POLR1A: variants seen among roughly 807,000 people sequenced by gnomAD.
POLR1A encodes the protein DNA-directed RNA polymerase I subunit RPA1.
Under a neutral mutation model 205.3 loss-of-function variants are expected in POLR1A, and 84 were observed. The ratio of observed to expected loss-of-function variants is 0.41; its 90% CI spans 0.34 to 0.49. The LOEUF is 0.49. POLR1A is among the 20% of genes least tolerant of loss of function. POLR1A has a pLI of 0.22. For missense variants in POLR1A, 1,645 were observed against 2,204.5 expected (o/e 0.75, Z 5.08); for synonymous variants, 799 against 863.7 (o/e 0.93, Z 1.31).
At position 86,044,121 on chromosome 2, in the gene POLR1A, C is replaced by G. The variant is rs368295210; in HGVS notation, c.3135+18G>C. 1.2e-6 allele frequency: 2 copies of G among 1,613,352 alleles called. No homozygotes were observed. Among genetic ancestry groups the G allele is most frequent in the Non-Finnish European group, 1.7e-6 (2 of 1,179,464 alleles). ...GGCCTACTGCTCGGCCCCCAGGCTC[C>G]GGGATCTAGCACACTACCTCGTAGT... On this transcript the variant is annotated intron_variant, in intron 22 of 33. Transcript: ENST00000263857.
intron 13 of POLR1A, among the ~76,000 whole-genome samples, chr2:86,066,575 A>G (rs1673087427): frequency 6.6e-6 from 1 of 152,210 alleles, no homozygotes; most frequent in South Asian, 2.1e-4. Context: ...CCTTGGATAT[A>G]AAGATTATTA....
chr2:86,069,856 A>C (rs1000234063), intron 13 of POLR1A, among the ~76,000 whole-genome samples, 162 bp downstream of exon 13: 1 of 152,236 alleles, frequency 6.6e-6, no homozygotes, highest in Non-Finnish European at 1.5e-5. Context: ...CCTCTAAGCC[A>C]CTAGATGGGC....
At chr2:86,078,002 AT>A in intron 10 of POLR1A, 21 bp from the exon 11 acceptor site, 2 of 1,613,896 alleles carry the variant, frequency 1.2e-6, no homozygotes, top group Non-Finnish European at 1.7e-6. Context: ...AAAAAAGGTC[AT>A]AAAAAACATT....
chr2:86,083,289 G>C (rs373176175), intron 6 of POLR1A, 121 bp from the exon 7 acceptor site: 1 of 714,372 alleles, frequency 1.4e-6, no homozygotes, highest in East Asian at 2.7e-5. Context: ...AATCTCAAGG[G>C]TAGCATATTA....
chr2:86,032,748 A>G (rs1672420356), intron 28 of POLR1A, among the ~76,000 whole-genome samples: 1 of 152,218 alleles, frequency 6.6e-6, no homozygotes, highest in Non-Finnish European at 1.5e-5. Flanking sequence ...GGGGATGAGA[A>G]GGAAGGGTTA....
At position 86,043,144 on chromosome 2, in the gene POLR1A, T is replaced by C; in HGVS notation, c.3187A>G (p.Lys1063Glu). The C allele has an allele frequency of 1.2e-6, 2 of 1,614,140 alleles. No individual in the cohort carries two copies. The highest frequency in any genetic ancestry group is 1.1e-5 in the South Asian group (1 of 91,092). ...GCTCTGAAGTGGTGGAGAGCTTTTT[T>C]GGGATCTGCTCTGGATAAAACTTCA... ...LHEVLSRADP[K>E]KALHHFRAIK... Residue 1063 changes from lysine (K) to glutamate (E), a missense_variant, in exon 23 of 34, where the codon AAA becomes GAA. Transcript: ENST00000263857.
At chr2:86,038,642 C>A in intron 27 of POLR1A, 58 bp downstream of exon 27, 1 of 1,559,706 alleles carries the variant, frequency 6.4e-7, no homozygotes, top group Non-Finnish European at 8.8e-7. Context: ...GCTTCCTGCC[C>A]CAGTTCAAGC....
chr2:86,030,418 G>A, intron 30 of POLR1A, 22 bp from the exon 31 acceptor site: 1 of 1,567,688 alleles, frequency 6.4e-7, no homozygotes, highest in Non-Finnish European at 8.8e-7. Flanking sequence ...GGGAGAGCTG[G>A]GTAGGGTGAC....
intron 4 of POLR1A, 52 bp from the exon 5 acceptor site, chr2:86,088,922 T>C: frequency 7.9e-7 from 1 of 1,272,660 alleles, no homozygotes; most frequent in Non-Finnish European, 1.1e-6. Flanking sequence ...TTGAAGAGAA[T>C]CCAATATATT....
intron 3 of POLR1A, among the ~76,000 whole-genome samples, chr2:86,093,689 G>C (rs1673651482): frequency 6.6e-6 from 1 of 152,176 alleles, no homozygotes; most frequent in African/African-American, 2.4e-5. Flanking sequence ...AATTAGCCGG[G>C]TGTGGTGGTG....
intron 14 of POLR1A, among the ~76,000 whole-genome samples, chr2:86,058,010 C>T (rs1231670796): frequency 6.6e-6 from 1 of 152,238 alleles, no homozygotes; most frequent in Admixed American, 6.5e-5. Context: ...TCATAGCTCA[C>T]TGCAGCCTCA....
rs757416490 is a variant in POLR1A at position 86,042,088 on chromosome 2, A to T, written c.3373T>A (p.Tyr1125Asn). 1.9e-6 allele frequency: 3 copies of T among 1,612,200 alleles called. No homozygotes were observed. Among genetic ancestry groups the T allele is most frequent in the South Asian group, 2.2e-5 (2 of 91,002 alleles). The part of the protein sequence containing the change: ...PGTQEMLRMW[Y>N]ELDEESRRKY... The stretch of plus-strand genomic sequence containing the variant: ...CTTCGGCTTTCCTCATCCAACTCAT[A>T]CCACATCCTCAGCATCTGAACAGAA... The change falls in exon 24 of 34, where the codon TAT becomes AAT. Residue 1125 changes from tyrosine to asparagine, a missense_variant. Transcript: ENST00000263857.
chr2:86,068,303 G>A (rs1673116516), intron 13 of POLR1A, among the ~76,000 whole-genome samples: 1 of 141,434 alleles, frequency 7.1e-6, no homozygotes, highest in Non-Finnish European at 1.5e-5. Context: ...AGTTCTGGCA[G>A]CCACTTCCTG....
chr2:86,088,889 T>G lies in POLR1A; in HGVS notation c.541-19A>C. 6.4e-7 allele frequency: 1 copy of G among 1,573,196 alleles called. No homozygotes were observed. Among genetic ancestry groups the G allele is most frequent in the Non-Finnish European group, 8.7e-7 (1 of 1,145,982 alleles). ...TCTTTACCTGTTTTTTTAAAAAAAG[T>G]CAGAGAACCTTGGAGTGCCATTTTG... On this transcript the variant is annotated intron_variant, in intron 4 of 33. Coordinates refer to ENST00000263857, the MANE Select transcript of POLR1A (RefSeq NM_015425.6).
At chr2:86,081,194 G>A (rs1048699196) in intron 8 of POLR1A, among the ~76,000 whole-genome samples, 1 of 152,072 alleles carries the variant, frequency 6.6e-6, no homozygotes, top group East Asian at 1.9e-4. Flanking sequence ...TCAGGAGTTC[G>A]AGACCAGCCT....
intron 16 of POLR1A, among the ~76,000 whole-genome samples, chr2:86,050,145 T>G (rs1672777395): frequency 1.3e-5 from 2 of 152,136 alleles, no homozygotes; most frequent in South Asian, 4.1e-4. Context: ...CTCGATCTCT[T>G]GACCTCATGA....
rs1301562793 is a variant in POLR1A, at chr2:86,038,681, TCA to T, written c.4034+17_4034+18del. 5.6e-6 allele frequency: 9 copies of T among 1,611,608 alleles called. No individual in the cohort carries two copies. The highest frequency in any genetic ancestry group is 7.6e-6 in the Non-Finnish European group (9 of 1,179,136). On this transcript the variant is annotated intron_variant, in intron 27 of 33. Transcript: ENST00000263857. ...TTCTCTGGGTCAAGGTCAATGACAATCACAGCCTGAGCCCTGACCTTGTTTCC... is the reference window on the plus strand; with the variant it reads ...TTCTCTGGGTCAAGGTCAATGACAATCAGCCTGAGCCCTGACCTTGTTTCC...
intron 13 of POLR1A, chr2:86,065,684 C>T (rs1393049071): frequency 1.8e-6 from 1 of 556,174 alleles, no homozygotes; most frequent in African/African-American, 1.9e-5. Context: ...GCCATTTGCC[C>T]ACTATCCTAT....
chr2:86,082,312 A>C (rs1226175807), intron 7 of POLR1A, among the ~76,000 whole-genome samples: 1 of 152,144 alleles, frequency 6.6e-6, no homozygotes, highest in Non-Finnish European at 1.5e-5. Context: ...TGGACTATTA[A>C]AACACAGACA....
Sources: allele counts gnomAD v4.1 joint callset (sites outside exome capture counted in the v4.1 genomes callset), GRCh38; gene constraint gnomAD v4.1.1; transcripts MANE v1.5; gene names NCBI Gene and HGNC (gene_info 2026-07-23, HGNC 2026-07-21).